The following KCNN3 variants were observed in gnomAD, a reference collection of about 807,000 sequenced individuals.
The protein encoded by KCNN3 is small conductance calcium-activated potassium channel protein 3.
In KCNN3, 16 loss-of-function variants were observed where a neutral mutation model predicts 62.9. The ratio of observed to expected loss-of-function variants is 0.25; its 90% CI spans 0.17 to 0.39. The LOEUF is 0.39. Ranked by LOEUF, KCNN3 falls within the 10% of genes least tolerant of loss-of-function variation. KCNN3 has a pLI of 1.00. For missense variants in KCNN3, 599 were observed against 949.4 expected, an observed-to-expected ratio of 0.63 and a Z score of 4.85; for synonymous variants, 370 against 389.2, an observed-to-expected ratio of 0.95 and a Z score of 0.58.
chr1:154,708,042 G>A lies in KCNN3; in HGVS notation c.2130C>T (p.Ser710=), dbSNP rs752464816. The A allele has an allele frequency of 6.2e-6, 10 of 1,613,216 alleles. No individual in the cohort carries two copies. Among genetic ancestry groups the A allele is most frequent in the South Asian group, 1.1e-5 (1 of 90,984 alleles). The change falls in exon 8 of 8, where the codon TCC becomes TCT. Residue 710 remains serine, a synonymous_variant. Coordinates refer to ENST00000271915, the MANE Select transcript of KCNN3 (RefSeq NM_002249.6). The part of the protein sequence containing the change: ...VAVGTTHTPI[S]DSPIGVSSTS... ...TGGAGCTGACCCCAATGGGGCTATC[G>A]GAGATTGGGGTGTGGGTGGTGCCCA... is the stretch of plus-strand genomic sequence containing the variant.
Position 154,773,609 on chromosome 1 carries a change from C to T in KCNN3, c.1030-1216G>A, listed in dbSNP as rs147128184. 2.6e-5 allele frequency among the ~76,000 whole-genome samples: 4 copies of T among 152,334 alleles called. No homozygotes were observed. The East Asian group carries it at 7.7e-4, about 29-fold the overall frequency. On this transcript the variant is annotated intron_variant, in intron 2 of 7. Transcript: ENST00000271915. ...GGCTTGAGTTATATTGCAGGACACTCAGCCAGTGTCCATTGGAGAATTGCT... is the reference window on the plus strand; with the variant it reads ...GGCTTGAGTTATATTGCAGGACACTTAGCCAGTGTCCATTGGAGAATTGCT...
intron 3 of KCNN3, among the ~76,000 whole-genome samples, chr1:154,761,763 A>C (rs907760637): frequency 6.6e-6 from 1 of 151,942 alleles, no homozygotes; most frequent in Admixed American, 6.6e-5. Flanking sequence ...ATATGGAGAA[A>C]CTCCGTCTCT....
chr1:154,730,392 C>T (rs1700566875), intron 4 of KCNN3, among the ~76,000 whole-genome samples: 1 of 152,206 alleles, frequency 6.6e-6, no homozygotes, highest in African/African-American at 2.4e-5. Context: ...GCAGGCCTTG[C>T]CTTGGCCTTC....
intron 1 of KCNN3, among the ~76,000 whole-genome samples, chr1:154,839,937 G>T (rs1270002849): frequency 6.6e-6 from 1 of 152,210 alleles, no homozygotes; most frequent in African/African-American, 2.4e-5. Context: ...AGAGAGGCCT[G>T]CAGAGCAGGG....
intron 2 of KCNN3, among the ~76,000 whole-genome samples, chr1:154,776,341 G>GCTT (rs1391613417): frequency 6.6e-6 from 1 of 152,172 alleles, no homozygotes; most frequent in South Asian, 2.1e-4. Flanking sequence ...GTTGGACAGT[G>GCTT]CTTTACTCAC....
At chr1:154,855,604 C>T (rs1452269943) in intron 1 of KCNN3, among the ~76,000 whole-genome samples, 2 of 152,174 alleles carry the variant, frequency 1.3e-5, no homozygotes, top group Non-Finnish European at 2.9e-5. Flanking sequence ...TGCAGAAGGC[C>T]ATGCCACCTA....
At position 154,809,971 on chromosome 1, in the gene KCNN3, G is replaced by A. The variant is rs1650333612; in HGVS notation, c.1029+12118C>T. ...CTGACCTGATCCCAGTGGTGTGTAA[G>A]GGTCAGTGTGTCACCAGATCCCTGG... On this transcript the variant is annotated intron_variant, in intron 2 of 7. Transcript: ENST00000271915. This position sits in a 1 kb window ranked among gnomAD's most constrained non-coding sequence, Gnocchi z 4.3. 6.6e-6 allele frequency among the ~76,000 whole-genome samples: 1 copy of A among 152,214 alleles called. No homozygotes were observed. The highest frequency in any genetic ancestry group is 1.5e-5 in the Non-Finnish European group (1 of 68,048).
At chr1:154,757,437 C>T (rs1647776327) in intron 3 of KCNN3, among the ~76,000 whole-genome samples, 1 of 152,146 alleles carries the variant, frequency 6.6e-6, no homozygotes, top group African/African-American at 2.4e-5. Context: ...AAGTTGCTCC[C>T]TGCAGGATTC....
At chr1:154,812,706 C>T (rs1430221099) in intron 2 of KCNN3, among the ~76,000 whole-genome samples, 3 of 152,144 alleles carry the variant, frequency 2.0e-5, no homozygotes, top group Non-Finnish European at 4.4e-5. Flanking sequence ...TGACCAGCTC[C>T]TGTGTGTAAG....
rs1489767971 is a variant in KCNN3 at position 154,704,056 on chromosome 1, T to G, written c.*3920A>C. 6.6e-6 allele frequency: 1 copy of G among 152,262 alleles called. No individual in the cohort carries two copies. Among genetic ancestry groups the G allele is most frequent in the Admixed American group, 6.5e-5 (1 of 15,284 alleles). The allele number at this position is 152,262 out of a possible 1,614,324, so 9.4% of individuals were successfully genotyped here. On this transcript the variant is annotated 3_prime_UTR_variant, in exon 8 of 8. Transcript: ENST00000271915. ...TTTATTCACAAGGAAATTATAAAAA[T>G]TTAAGGGGGAAATCCCCCACTATAT...
At chr1:154,757,109 G>A (rs935078442) in intron 3 of KCNN3, among the ~76,000 whole-genome samples, 61 of 152,224 alleles carry the variant, frequency 4.0e-4, no homozygotes, top group African/African-American at 1.3e-3. Flanking sequence ...GGACAGACCT[G>A]TGTAGGAAAT....
At chr1:154,717,432 G>A (rs1645132286) in intron 5 of KCNN3, among the ~76,000 whole-genome samples, 1 of 152,198 alleles carries the variant, frequency 6.6e-6, no homozygotes, top group Non-Finnish European at 1.5e-5. Context: ...CTAGCTAATG[G>A]CAAAGTCAAA....
Position 154,752,637 on chromosome 1 carries a change from T to C in KCNN3, c.1448+19338A>G, listed in dbSNP as rs529399742. Among the ~76,000 whole-genome samples the C allele has an allele frequency of 8.6e-5, 13 of 150,712 alleles. No individual in the cohort carries two copies. The South Asian group carries it at 2.8e-3, about 32-fold the overall frequency. ...CAGAGGAGAACCTGTGTAGAATGAA[T>C]GGCCATGAACGAAGATAGTGCTCCT... On this transcript the variant is annotated intron_variant, in intron 3 of 7. Transcript: ENST00000271915.
At chr1:154,801,246 TAGA>T (rs1649942135) in intron 2 of KCNN3, among the ~76,000 whole-genome samples, 1 of 152,144 alleles carries the variant, frequency 6.6e-6, no homozygotes, top group Non-Finnish European at 1.5e-5. Flanking sequence ...CCCGGCAAAG[TAGA>T]AGAAGGCCGT....
rs377322361 is a variant in KCNN3 at position 154,809,908 on chromosome 1, C to T, written c.1029+12181G>A. 1.8e-4 allele frequency among the ~76,000 whole-genome samples: 28 copies of T among 152,288 alleles called. No homozygotes were observed. In the South Asian group the frequency reaches 5.4e-3, roughly 29 times the overall value. ...AAAAGTCACTGGCTGTCTTTGGCTG[C>T]AGTAACAAAGTGAGAAAGCAGGTCG... On this transcript the variant is annotated intron_variant, in intron 2 of 7. Transcript: ENST00000271915. The surrounding 1 kb of genome is among the most constrained non-coding windows in gnomAD (Gnocchi z 4.3).
rs1699981066 is a variant in KCNN3 at position 154,707,230 on chromosome 1, A to T, written c.*746T>A. ...CCCATGTTCAGATTCAGACCAACTC[A>T]AAACACATGTAAGGGGTGCCTATTG... On this transcript the variant is annotated 3_prime_UTR_variant, in exon 8 of 8. Transcript: ENST00000271915. 1 of 152,186 alleles carries T rather than the reference A, an allele frequency of 6.6e-6. No homozygotes were observed. Among genetic ancestry groups the T allele is most frequent in the Non-Finnish European group, 1.5e-5 (1 of 68,026 alleles). 9.4% of individuals were successfully genotyped at this position (152,186 alleles called of 1,614,324 possible).
chr1:154,794,195 G>A (rs1455725684), intron 2 of KCNN3, among the ~76,000 whole-genome samples: 1 of 152,164 alleles, frequency 6.6e-6, no homozygotes, highest in Non-Finnish European at 1.5e-5. Flanking sequence ...AGGCTCCTTG[G>A]AGTACTTACC....
chr1:154,837,511 T>C (rs1422545382), intron 1 of KCNN3, among the ~76,000 whole-genome samples: 2 of 152,100 alleles, frequency 1.3e-5, no homozygotes, highest in Non-Finnish European at 2.9e-5. Flanking sequence ...CTCCTCCTGG[T>C]TCCTCACCCT....
chr1:154,859,282 C>T (rs1383156655), intron 1 of KCNN3, among the ~76,000 whole-genome samples: 3 of 152,250 alleles, frequency 2.0e-5, no homozygotes, highest in African/African-American at 7.2e-5. Flanking sequence ...GGGTTTTGCT[C>T]TGCAAAAATC....
Sources: gnomAD v4.1 joint callset for allele counts (sites outside exome capture counted in the v4.1 genomes callset) on GRCh38, gnomAD v4.1.1 for gene constraint, Gnocchi (gnomAD v3.1) non-coding constraint, MANE v1.5 for transcripts, NCBI Gene and HGNC (gene_info 2026-07-23, HGNC 2026-07-21) for gene names.